CGNL1: variants seen among roughly 807,000 people sequenced by gnomAD.
The protein encoded by CGNL1 is cingulin-like protein 1.
In CGNL1, 132 loss-of-function variants were observed where a neutral mutation model predicts 141.2. That is an observed-to-expected ratio of 0.93 (90% CI 0.81 to 1.08). CGNL1 has a LOEUF of 1.08. CGNL1 is among the 50% of genes least tolerant of loss of function. The pLI, the probability that CGNL1 is intolerant of heterozygous loss-of-function variation, is 0.00. For synonymous variants in CGNL1, 690 were observed against 622.1 expected, an observed-to-expected ratio of 1.11 and a Z score of -1.63; for missense variants, 1,870 against 1,588.6, an observed-to-expected ratio of 1.18 and a Z score of -3.01.
Position 57,516,841 on chromosome 15 carries a change from T to C in CGNL1, c.2465T>C (p.Met822Thr). 6.2e-7 allele frequency: 1 copy of C among 1,614,058 alleles called. No individual in the cohort carries two copies. Among genetic ancestry groups the C allele is most frequent in the Non-Finnish European group, 8.5e-7 (1 of 1,180,024 alleles). ...TSEQDQAGTE[M>T]RVKLLQEENE... is the part of the protein sequence containing the mutation. The stretch of plus-strand genomic sequence containing the variant: ...GAGCAAGACCAGGCGGGGACTGAAA[T>C]GCGCGTGAAGCTTCTGCAGGAGGAG... The change falls in exon 9 of 19, where the codon ATG becomes ACG. Residue 822 changes from methionine to threonine, a missense_variant. Transcript: ENST00000281282.
chr15:57,443,992 A>G (rs1395620166), intron 4 of CGNL1, among the ~76,000 whole-genome samples: 1 of 152,210 alleles, frequency 6.6e-6, no homozygotes, highest in Non-Finnish European at 1.5e-5. Context: ...CACAAATTGT[A>G]TCTGTACAGT....
intron 1 of CGNL1, among the ~76,000 whole-genome samples, chr15:57,395,613 T>A (rs2062593461): frequency 6.6e-6 from 1 of 152,266 alleles, no homozygotes; most frequent in African/African-American, 2.4e-5. Context: ...TGGCCCCAAG[T>A]AAGACATGAG....
chr15:57,381,309 C>T (rs929798382), intron 1 of CGNL1, among the ~76,000 whole-genome samples: 1 of 152,196 alleles, frequency 6.6e-6, no homozygotes, highest in South Asian at 2.1e-4. Context: ...CCTGTAATCC[C>T]AGCACTTTGG....
chr15:57,399,471 T>C (rs2062636225), intron 1 of CGNL1, among the ~76,000 whole-genome samples: 1 of 152,174 alleles, frequency 6.6e-6, no homozygotes, highest in African/African-American at 2.4e-5. Context: ...TTTTGGTTGA[T>C]TATTTTTTGA....
chr15:57,447,487 C>A (rs563246088), intron 4 of CGNL1, among the ~76,000 whole-genome samples: 30 of 152,318 alleles, frequency 2.0e-4, no homozygotes, highest in Non-Finnish European at 4.1e-4. Context: ...AGCCAGCCAT[C>A]ATTCTTAGTG....
chr15:57,486,252 G>A (rs1264612020), intron 8 of CGNL1, among the ~76,000 whole-genome samples: 1 of 152,182 alleles, frequency 6.6e-6, no homozygotes, highest in African/African-American at 2.4e-5. Context: ...TGCTTCTTCT[G>A]TGTTAGGTCA....
At chr15:57,490,922 A>G (rs1567150367) in intron 8 of CGNL1, among the ~76,000 whole-genome samples, 2 of 152,160 alleles carry the variant, frequency 1.3e-5, no homozygotes, top group South Asian at 2.1e-4. Flanking sequence ...ACAAATTCCA[A>G]TTGAGGAACA....
chr15:57,501,361 G>A (rs1479676799), intron 8 of CGNL1, among the ~76,000 whole-genome samples: 1 of 152,228 alleles, frequency 6.6e-6, no homozygotes, highest in Non-Finnish European at 1.5e-5. Context: ...AAGCCGAAGA[G>A]AATTCAGTGA....
At position 57,544,617 on chromosome 15, in the gene CGNL1, T is replaced by G. The variant is rs1463264576; in HGVS notation, c.3500+20T>G. Reference sequence around the variant, plus strand: ...GGAGAGGTGAGCCGGGCCCACCCACTGCAGTGCGGAGGCCCCAGTGGGCAG... The same window carrying G: ...GGAGAGGTGAGCCGGGCCCACCCACGGCAGTGCGGAGGCCCCAGTGGGCAG... On this transcript the variant is annotated intron_variant, in intron 16 of 18. Coordinates refer to ENST00000281282, the MANE Select transcript of CGNL1 (RefSeq NM_032866.5). 1 of 1,560,940 alleles carries G rather than the reference T, an allele frequency of 6.4e-7. No individual in the cohort carries two copies. The highest frequency in any genetic ancestry group is 8.7e-7 in the Non-Finnish European group (1 of 1,152,192).
At chr15:57,472,696 C>T (rs1305511589) in intron 8 of CGNL1, among the ~76,000 whole-genome samples, 1 of 152,074 alleles carries the variant, frequency 6.6e-6, no homozygotes, top group African/African-American at 2.4e-5. Flanking sequence ...TTATGTAGGG[C>T]CCCATTTTCC....
chr15:57,415,327 T>C (rs1473201944), intron 1 of CGNL1, among the ~76,000 whole-genome samples: 1 of 152,132 alleles, frequency 6.6e-6, no homozygotes, highest in Non-Finnish European at 1.5e-5. Flanking sequence ...TTTAGGATAA[T>C]CACAAGAGTC....
chr15:57,378,998 C>T (rs1188662566), intron 1 of CGNL1, among the ~76,000 whole-genome samples: 1 of 152,102 alleles, frequency 6.6e-6, no homozygotes, highest in African/African-American at 2.4e-5. Flanking sequence ...CCCGAATCAT[C>T]ACCCTTTGGG....
chr15:57,527,790 G>GT (rs1417438936), intron 12 of CGNL1: 2 of 152,196 alleles, frequency 1.3e-5, no homozygotes, highest in Admixed American at 6.5e-5. Context: ...ATGTTGTTAG[G>GT]TTTTTTGCCA....
chr15:57,385,412 G>C (rs1467612156), intron 1 of CGNL1, among the ~76,000 whole-genome samples: 1 of 152,202 alleles, frequency 6.6e-6, no homozygotes, highest in Non-Finnish European at 1.5e-5. Flanking sequence ...GCGCATGCCT[G>C]CATTCCCAGC....
At chr15:57,467,540 C>T (rs551047467) in intron 8 of CGNL1, among the ~76,000 whole-genome samples, 7 of 152,048 alleles carry the variant, frequency 4.6e-5, no homozygotes, top group Admixed American at 1.3e-4. Context: ...GGACCGTGCT[C>T]GGATCCCAAC....
rs143294128 is a variant in CGNL1, at chr15:57,486,231, T to A, written c.2403+24339T>A. 8.9e-3 allele frequency among the ~76,000 whole-genome samples: 1,348 copies of A among 152,304 alleles called. 20 individuals are homozygous for A. The highest frequency in any genetic ancestry group is 0.031 in the African/African-American group (1,281 of 41,548). ...ATGTGGTCAAGGAATTTGGTCCCAG[T>A]CAACCTTCCCTGCTTCTTCTGTGTT... On this transcript the variant is annotated intron_variant, in intron 8 of 18. Transcript: ENST00000281282.
At chr15:57,435,407 G>GTTTTTTTTT (rs1249529527) in intron 1 of CGNL1, among the ~76,000 whole-genome samples, 2 of 96,864 alleles carry the variant, frequency 2.1e-5, no homozygotes, top group African/African-American at 3.7e-5. Flanking sequence ...AAATTTGCAG[G>GTTTTTTTTT]TTTTTTTGTT....
chr15:57,545,129 A>G (rs1366425583), intron 16 of CGNL1, among the ~76,000 whole-genome samples: 1 of 152,192 alleles, frequency 6.6e-6, no homozygotes, highest in Non-Finnish European at 1.5e-5. Context: ...GAGGGCCAGC[A>G]CCAGGTTCAA....
chr15:57,549,690 T>G lies in CGNL1; in HGVS notation c.*2200T>G, dbSNP rs544244232. ...AGCAGTGAATTAAACAGGCAAAAAT[T>G]CCTCCCCTCCTGGAGCTCAGTGTCA... On this transcript the variant is annotated 3_prime_UTR_variant, in exon 19 of 19. Coordinates refer to ENST00000281282, the MANE Select transcript of CGNL1 (RefSeq NM_032866.5). The G allele has an allele frequency of 6.6e-6, 1 of 152,020 alleles. No homozygotes were observed. Among genetic ancestry groups the G allele is most frequent in the African/African-American group, 2.4e-5 (1 of 41,414 alleles). The allele number at this position is 152,020 out of a possible 1,614,324, so 9.4% of individuals were successfully genotyped here.
Sources: gnomAD v4.1 joint callset for allele counts (sites outside exome capture counted in the v4.1 genomes callset) on GRCh38, gnomAD v4.1.1 for gene constraint, MANE v1.5 for transcripts, NCBI Gene and HGNC (gene_info 2026-07-23, HGNC 2026-07-21) for gene names.